MSANTD3: variants seen among roughly 807,000 people sequenced by gnomAD.
MSANTD3 encodes the protein Myb/SANT DNA binding domain containing 3.
In MSANTD3, 11 loss-of-function variants were observed where a neutral mutation model predicts 27.7. The observed-to-expected ratio is 0.40, with a 90% CI of 0.25 to 0.66. The LOEUF (loss-of-function observed/expected upper bound fraction) is 0.66, where lower values mean the gene tolerates loss of function less well. Ranked by LOEUF, MSANTD3 falls within the 30% of genes least tolerant of loss-of-function variation. The pLI, the probability that MSANTD3 is intolerant of heterozygous loss-of-function variation, is 0.41. For missense variants in MSANTD3, 250 were observed against 336.5 expected (o/e 0.74, Z 2.01); for synonymous variants, 131 against 127.2 (o/e 1.03, Z -0.20).
intron 1 of MSANTD3, among the ~76,000 whole-genome samples, chr9:100,432,863 T>C (rs570390285): frequency 2.6e-5 from 4 of 152,344 alleles, no homozygotes; most frequent in South Asian, 2.1e-4. Flanking sequence ...CTGTGGAAAT[T>C]AGATTGCAGA....
intron 1 of MSANTD3, among the ~76,000 whole-genome samples, chr9:100,428,945 A>G (rs1276953748): frequency 1.3e-5 from 2 of 152,148 alleles, no homozygotes; most frequent in Non-Finnish European, 2.9e-5. Context: ...GGGCCCAGGC[A>G]CTGCACCTGT....
intron 2 of MSANTD3, chr9:100,449,299 T>C: frequency 6.3e-6 from 6 of 959,722 alleles, no homozygotes; most frequent in Non-Finnish European, 7.4e-6. Context: ...ATCCATATAC[T>C]CTTCCCTTTA....
At chr9:100,431,002 CTT>C (rs796101000) in intron 1 of MSANTD3, among the ~76,000 whole-genome samples, 2 of 145,108 alleles carry the variant, frequency 1.4e-5, no homozygotes, top group Admixed American at 6.9e-5. Flanking sequence ...TTCTTTTTTT[CTT>C]TTTTTTTTTG....
intron 2 of MSANTD3, among the ~76,000 whole-genome samples, chr9:100,446,993 C>T (rs1836769629): frequency 6.6e-6 from 1 of 152,088 alleles, no homozygotes; most frequent in Non-Finnish European, 1.5e-5. Context: ...GTTTCCTTCC[C>T]ATCCTTTTGC....
chr9:100,429,084 G>A (rs541896610), intron 1 of MSANTD3, among the ~76,000 whole-genome samples: 1 of 152,260 alleles, frequency 6.6e-6, no homozygotes, highest in East Asian at 1.9e-4. Context: ...ATTTGTTAAC[G>A]TATTGTGGAA....
At chr9:100,449,257 CAT>C (rs776637850) in intron 2 of MSANTD3, 36 of 985,366 alleles carry the variant, frequency 3.7e-5, no homozygotes, top group Non-Finnish European at 4.2e-5. Context: ...GCAGGGCAAA[CAT>C]AGCACCTACC....
At position 100,450,625 on chromosome 9, in the gene MSANTD3, G is replaced by A; in HGVS notation, c.487G>A (p.Glu163Lys). Residue 163 changes from glutamate (E) to lysine (K), a missense_variant, in exon 3 of 3, where the codon GAG (glutamate) becomes AAG (lysine). Transcript: ENST00000395067. The stretch of plus-strand genomic sequence containing the variant: ...AGAGTTCATACATTTTCCAGTATGT[G>A]AGGGGACCTCTCAACCTGAACCCTC... ...EKEFIHFPVCEGTSQPEPSCS... is the reference protein window; with the variant it reads ...EKEFIHFPVCKGTSQPEPSCS... 4 of 1,612,782 alleles carry A rather than the reference G, an allele frequency of 2.5e-6. No individual in the cohort carries two copies. The highest frequency in any genetic ancestry group is 3.4e-6 in the Non-Finnish European group (4 of 1,179,700).
Position 100,442,362 on chromosome 9 carries a change from C to A in MSANTD3, c.418+6C>A. Reference sequence around the variant, plus strand: ...CCCCGACGCCTCAGCCCAAGGTATCCGTTCCTGATGCCAGTGTGCACGCTC... The same window carrying A: ...CCCCGACGCCTCAGCCCAAGGTATCAGTTCCTGATGCCAGTGTGCACGCTC... On this transcript the variant is annotated splice_donor_region_variant and intron_variant, in intron 2 of 2. Coordinates refer to ENST00000395067, the MANE Select transcript of MSANTD3 (RefSeq NM_080655.3). 6.2e-7 allele frequency: 1 copy of A among 1,605,374 alleles called. No homozygotes were observed.
chr9:100,433,102 T>G (rs1046751429), intron 1 of MSANTD3, among the ~76,000 whole-genome samples: 18 of 152,002 alleles, frequency 1.2e-4, no homozygotes, highest in Admixed American at 3.3e-4. Context: ...GGCATCTTGA[T>G]GGTGAGGGGG....
At chr9:100,441,080 C>T (rs962142889) in intron 1 of MSANTD3, among the ~76,000 whole-genome samples, 4 of 151,068 alleles carry the variant, frequency 2.6e-5, no homozygotes, top group Middle Eastern at 3.4e-3. Flanking sequence ...GGATTACAGG[C>T]GCACGCCACC....
intron 2 of MSANTD3, among the ~76,000 whole-genome samples, chr9:100,443,371 C>T (rs954844917): frequency 5.3e-5 from 8 of 149,838 alleles, no homozygotes; most frequent in Admixed American, 1.3e-4. Context: ...TGCACGCCAG[C>T]GTAGGCAACA....
intron 2 of MSANTD3, chr9:100,444,143 G>A (rs1216461883): frequency 2.0e-5 from 3 of 152,202 alleles, no homozygotes; most frequent in Non-Finnish European, 4.4e-5. Flanking sequence ...CGATCCTGGA[G>A]AAGCAAATTA....
At chr9:100,434,478 C>G (rs761883696) in intron 1 of MSANTD3, among the ~76,000 whole-genome samples, 2 of 151,998 alleles carry the variant, frequency 1.3e-5, no homozygotes, top group Non-Finnish European at 2.9e-5. Context: ...TGCAGTGAGC[C>G]GAGATCACGC....
chr9:100,440,844 C>T (rs1040101561), intron 1 of MSANTD3, among the ~76,000 whole-genome samples: 2 of 127,064 alleles, frequency 1.6e-5, no homozygotes, highest in Non-Finnish European at 3.1e-5. Context: ...ATGCTAGTCT[C>T]GAACTCCTGG....
intron 2 of MSANTD3, among the ~76,000 whole-genome samples, chr9:100,449,835 T>G (rs1340162598): frequency 1.3e-5 from 2 of 151,896 alleles, no homozygotes; most frequent in African/African-American, 4.8e-5. Context: ...GAAGGAGCAA[T>G]CAGAGGGGAA....
In MSANTD3 at chr9:100,448,539, G is replaced by A. The variant is rs116184097; in HGVS notation, c.419-2018G>A. 1.1e-3 allele frequency: 1,069 copies of A among 985,370 alleles called. 9 individuals are homozygous for A. The African/African-American group carries it at 0.017, about 15-fold the overall frequency. The allele number at this position is 985,370 out of a possible 1,614,324, so 61.0% of individuals were successfully genotyped here. A position where few individuals can be genotyped will look rare whatever the true frequency, so the allele number is the denominator to read the frequency against. On this transcript the variant is annotated intron_variant, in intron 2 of 2. Transcript: ENST00000395067. The stretch of plus-strand genomic sequence containing the variant: ...CACTGTTCCTTCTCCATGGTTGGGC[G>A]TGTTGGGAGGGATGTGACCCACTGC...
At chr9:100,435,841 C>CCCT (rs1836467651) in intron 1 of MSANTD3, among the ~76,000 whole-genome samples, 1 of 152,220 alleles carries the variant, frequency 6.6e-6, no homozygotes, top group Non-Finnish European at 1.5e-5. Context: ...TCCCCAAATA[C>CCCT]AACCACTAGG....
intron 2 of MSANTD3, among the ~76,000 whole-genome samples, chr9:100,443,163 G>A (rs1836669784): frequency 6.6e-6 from 1 of 152,210 alleles, no homozygotes; most frequent in Non-Finnish European, 1.5e-5. Context: ...ACTTTGGGAG[G>A]CTGAGGTGGG....
chr9:100,434,991 G>A (rs1428198561), intron 1 of MSANTD3, among the ~76,000 whole-genome samples: 2 of 148,364 alleles, frequency 1.3e-5, no homozygotes, highest in South Asian at 2.1e-4. Context: ...ACACACACAC[G>A]TGCGCACACA....
Sources: allele counts gnomAD v4.1 joint callset (sites outside exome capture counted in the v4.1 genomes callset), GRCh38; gene constraint gnomAD v4.1.1; transcripts MANE v1.5; gene names NCBI Gene and HGNC (gene_info 2026-07-23, HGNC 2026-07-21).